The following ZC3H13 variants were observed in gnomAD, a reference collection of about 807,000 sequenced individuals.
ZC3H13 encodes the protein zinc finger CCCH-type containing 13.
Under a neutral mutation model 204.1 loss-of-function variants are expected in ZC3H13, and 64 were observed. The observed-to-expected ratio is 0.31, with a 90% CI of 0.26 to 0.39. ZC3H13 has a LOEUF of 0.39. ZC3H13 is among the 10% of genes least tolerant of loss of function. The probability of loss-of-function intolerance (pLI) is 1.00; values close to 1 mark genes in which losing one functional copy is unlikely to be tolerated. For synonymous variants in ZC3H13, 667 were observed against 693.7 expected (o/e 0.96, Z 0.60); for missense variants, 1,833 against 2,082.7 (o/e 0.88, Z 2.33).
At chr13:46,046,631 G>A (rs1009535331) in intron 1 of ZC3H13, among the ~76,000 whole-genome samples, 2 of 150,562 alleles carry the variant, frequency 1.3e-5, no homozygotes, top group African/African-American at 2.4e-5. Flanking sequence ...TCACACCACC[G>A]CACTCCAGCC....
At chr13:46,028,426 A>G (rs1317468949) in intron 4 of ZC3H13, among the ~76,000 whole-genome samples, 1 of 152,238 alleles carries the variant, frequency 6.6e-6, no homozygotes, top group Admixed American at 6.5e-5. Flanking sequence ...GAAGTCAGTA[A>G]AAACACAGTT....
At chr13:45,968,643 A>C (rs1952296089) in intron 14 of ZC3H13, 105 bp downstream of exon 14, 1 of 1,420,672 alleles carries the variant, frequency 7.0e-7, no homozygotes, top group Non-Finnish European at 9.4e-7. Flanking sequence ...ATAAAATTTA[A>C]GGCAGCATGT....
chr13:46,046,958 G>A (rs2044013468), intron 1 of ZC3H13, among the ~76,000 whole-genome samples: 1 of 152,132 alleles, frequency 6.6e-6, no homozygotes, highest in Non-Finnish European at 1.5e-5. Flanking sequence ...AATATTAGTT[G>A]AAATCTTATC....
intron 4 of ZC3H13, among the ~76,000 whole-genome samples, chr13:46,034,987 AC>A (rs1372633513): frequency 6.6e-6 from 1 of 152,106 alleles, no homozygotes; most frequent in African/African-American, 2.4e-5. Context: ...AAGAAACAAT[AC>A]CCCACTAGCA....
chr13:45,999,007 A>C (rs996165058), intron 8 of ZC3H13, among the ~76,000 whole-genome samples: 10 of 152,204 alleles, frequency 6.6e-5, no homozygotes, highest in Admixed American at 1.3e-4. Flanking sequence ...TTGGGAGGCC[A>C]AGGCAGGATT....
At chr13:45,972,208 T>C (rs1196068826) in intron 12 of ZC3H13, among the ~76,000 whole-genome samples, 2 of 151,962 alleles carry the variant, frequency 1.3e-5, no homozygotes, top group East Asian at 1.9e-4. Flanking sequence ...TATATGTTTA[T>C]AGCAGCAAAA....
At chr13:45,965,888 TTAG>T (rs1952038727) in intron 15 of ZC3H13, among the ~76,000 whole-genome samples, 1 of 152,202 alleles carries the variant, frequency 6.6e-6, no homozygotes, top group Non-Finnish European at 1.5e-5. Flanking sequence ...AGCTTAAATC[TTAG>T]TTCATATTAT....
chr13:45,967,823 G>A lies in ZC3H13; in HGVS notation c.4002C>T (p.Asn1334=), dbSNP rs1166672925. ...GTTCTCGCAATCTATCTCGATCCCT[G>A]TTGCGTGGCCAATCTTTATCAGCAT... is the stretch of plus-strand genomic sequence containing the variant. ...DRDADKDWPR[N]RDRDRLRERE... Residue 1334 remains asparagine (N), a synonymous_variant, in exon 15 of 19, where the codon AAC becomes AAT. Transcript: ENST00000679008. The A allele has an allele frequency of 6.2e-7, 1 of 1,613,500 alleles. No homozygotes were observed. The highest frequency in any genetic ancestry group is 8.5e-7 in the Non-Finnish European group (1 of 1,179,812).
At chr13:46,042,397 ACT>A in intron 3 of ZC3H13, 122 bp from the exon 4 acceptor site, 1 of 590,678 alleles carries the variant, frequency 1.7e-6, no homozygotes, top group Non-Finnish European at 2.7e-6. Context: ...ATCTCAATAC[ACT>A]TTTTCTAACT....
chr13:46,015,234 G>A (rs1431328356), intron 5 of ZC3H13, among the ~76,000 whole-genome samples: 2 of 152,048 alleles, frequency 1.3e-5, no homozygotes, highest in Non-Finnish European at 2.9e-5. Flanking sequence ...ATTTTCATCA[G>A]TATTTCCCTG....
chr13:46,030,575 C>T (rs4941540), intron 4 of ZC3H13, among the ~76,000 whole-genome samples: 117,558 of 152,090 alleles, frequency 0.77, 45,802 homozygotes, highest in African/African-American at 0.86. Flanking sequence ...ATCAAGACTG[C>T]GGGTGGGCAA....
chr13:45,959,028 C>T (rs538999134), intron 18 of ZC3H13, among the ~76,000 whole-genome samples: 1 of 152,296 alleles, frequency 6.6e-6, no homozygotes, highest in Admixed American at 6.5e-5. Context: ...ATTAACAGAT[C>T]TCTTCCAAAT....
chr13:46,020,320 T>C, intron 5 of ZC3H13, 129 bp downstream of exon 5: 2 of 734,750 alleles, frequency 2.7e-6, no homozygotes, highest in Non-Finnish European at 4.5e-6. Context: ...TTCAGTAAGA[T>C]AGAAATATGT....
At chr13:46,028,034 T>C (rs1487456164) in intron 4 of ZC3H13, among the ~76,000 whole-genome samples, 1 of 152,104 alleles carries the variant, frequency 6.6e-6, no homozygotes, top group Non-Finnish European at 1.5e-5. Context: ...AACACAGATA[T>C]TCTCGGAGTG....
intron 5 of ZC3H13, among the ~76,000 whole-genome samples, chr13:46,014,636 T>C (rs1475317984): frequency 6.6e-6 from 1 of 152,210 alleles, no homozygotes; most frequent in East Asian, 1.9e-4. Flanking sequence ...TGTTTTTGAA[T>C]TCCATTCTAT....
intron 10 of ZC3H13, 125 bp downstream of exon 10, chr13:45,985,172 G>C: frequency 9.5e-7 from 1 of 1,050,510 alleles, no homozygotes; most frequent in Non-Finnish European, 1.3e-6. Flanking sequence ...AAGACTACAA[G>C]TTCAATTAAT....
intron 8 of ZC3H13, among the ~76,000 whole-genome samples, chr13:45,997,855 C>A (rs1292420061): frequency 4.6e-5 from 7 of 152,060 alleles, no homozygotes; most frequent in Non-Finnish European, 7.4e-5. Flanking sequence ...AAGCCAAAAC[C>A]CACGTATTTG....
At chr13:46,041,057 C>T (rs933079912) in intron 4 of ZC3H13, among the ~76,000 whole-genome samples, 3 of 152,134 alleles carry the variant, frequency 2.0e-5, no homozygotes, top group Admixed American at 2.0e-4. Context: ...TACCGTAGAA[C>T]TTGTCAACTC....
rs371989753 is a variant in ZC3H13, at chr13:45,969,384, C to T, written c.3160G>A (p.Glu1054Lys). 7 of 1,613,968 alleles carry T rather than the reference C, an allele frequency of 4.3e-6. No individual in the cohort carries two copies. Among genetic ancestry groups the T allele is most frequent in the African/African-American group, 1.3e-5 (1 of 74,904 alleles). The change falls in exon 14 of 19, where the codon GAG becomes AAG. Residue 1054 changes from glutamate (E) to lysine (K), a missense_variant. Glu to Lys is a moderately conservative substitution (Grantham distance 56). Coordinates refer to ENST00000679008, the MANE Select transcript of ZC3H13 (RefSeq NM_001330564.2). ...EMCNGKNGIL[E>K]DSQKKEDTAF... is the part of the protein sequence containing the mutation. ...GTATCTTCTTTTTTCTGGGAGTCCT[C>T]TAGAATACCATTCTTACCATTGCAC...
Sources: allele counts gnomAD v4.1 joint callset (sites outside exome capture counted in the v4.1 genomes callset), GRCh38; gene constraint gnomAD v4.1.1; transcripts MANE v1.5; gene names NCBI Gene and HGNC (gene_info 2026-07-23, HGNC 2026-07-21).